MROH9: variants seen among roughly 807,000 people sequenced by gnomAD.
MROH9 encodes maestro heat like repeat family member 9.
A neutral mutation model predicts 98.2 loss-of-function variants in MROH9; 92 were observed. The ratio of observed to expected loss-of-function variants is 0.94; its 90% CI spans 0.79 to 1.11. The LOEUF is 1.11. MROH9 is among the 50% of genes most tolerant of loss of function. The pLI, the probability that MROH9 is intolerant of heterozygous loss-of-function variation, is 0.00. For synonymous variants in MROH9, 397 were observed against 368.9 expected, an observed-to-expected ratio of 1.08 and a Z score of -0.87; for missense variants, 1,057 against 1,014.8, an observed-to-expected ratio of 1.04 and a Z score of -0.57.
chr1:170,961,395 T>A (rs1650011678), intron 5 of MROH9, among the ~76,000 whole-genome samples: 1 of 152,218 alleles, frequency 6.6e-6, no homozygotes, highest in South Asian at 2.1e-4. Flanking sequence ...GCCAGGGCTA[T>A]GTTCTTTTTG....
At position 171,024,697 on chromosome 1, in the gene MROH9, A is replaced by T. The variant is rs1322396796; in HGVS notation, c.2110A>T (p.Thr704Ser). 5.8e-6 allele frequency: 9 copies of T among 1,551,266 alleles called. No homozygotes were observed. In the South Asian group the frequency reaches 1.1e-4, roughly 18 times the overall value. The change falls in exon 19 of 22, where the codon ACA becomes TCA. Residue 704 changes from threonine (T) to serine (S), a missense_variant. Thr to Ser is a moderately conservative substitution (Grantham distance 58, BLOSUM62 1). Coordinates refer to ENST00000367759, the MANE Select transcript of MROH9 (RefSeq NM_001163629.2). ...KICTSQLKWS[T>S]SRLLKDENYS... ...CTGTACCTCACAATTAAAGTGGTCA[A>T]CATCACGTTTGCTCAAAGATGAAAA...
intron 1 of MROH9, among the ~76,000 whole-genome samples, chr1:170,935,965 C>T (rs756290673): frequency 1.9e-4 from 24 of 126,592 alleles, no homozygotes; most frequent in Non-Finnish European, 3.6e-4. Flanking sequence ...GCACTCCAGC[C>T]TGGCAACAGA....
At chr1:171,007,869 G>C (rs183637744) in intron 15 of MROH9, among the ~76,000 whole-genome samples, 2 of 152,094 alleles carry the variant, frequency 1.3e-5, no homozygotes, top group African/African-American at 4.8e-5. Context: ...CAGAGAGACC[G>C]GGTCATTTCT....
chr1:170,998,519 CA>C, intron 15 of MROH9: 1 of 1,437,884 alleles, frequency 7.0e-7, no homozygotes. Context: ...TGAATTTGTA[CA>C]AAAACTAATT....
At chr1:170,966,907 G>A (rs960126385) in intron 7 of MROH9, among the ~76,000 whole-genome samples, 2 of 152,094 alleles carry the variant, frequency 1.3e-5, no homozygotes, top group South Asian at 2.1e-4. Flanking sequence ...CCTAAAATGT[G>A]TTATATATTC....
chr1:171,005,671 G>A (rs999682616), intron 15 of MROH9, among the ~76,000 whole-genome samples: 1 of 152,004 alleles, frequency 6.6e-6, no homozygotes, highest in African/African-American at 2.4e-5. Flanking sequence ...GGCATTTTAT[G>A]GAGTCATTAT....
intron 1 of MROH9, among the ~76,000 whole-genome samples, chr1:170,939,999 C>A (rs1430484022): frequency 6.6e-6 from 1 of 152,200 alleles, no homozygotes; most frequent in Admixed American, 6.5e-5. Flanking sequence ...GCAGACTGTA[C>A]AACAGCCTGG....
intron 1 of MROH9, among the ~76,000 whole-genome samples, chr1:170,936,509 A>T (rs150738119): frequency 2.6e-5 from 4 of 152,316 alleles, no homozygotes; most frequent in African/African-American, 9.6e-5. Context: ...TTTAAATGCT[A>T]ATCTCTTCTG....
intron 8 of MROH9, among the ~76,000 whole-genome samples, chr1:170,980,289 T>C (rs532649098): frequency 1.3e-5 from 2 of 152,314 alleles, no homozygotes; most frequent in African/African-American, 4.8e-5. Context: ...AAGACAGTCC[T>C]AAGCAAAAAG....
intron 1 of MROH9, among the ~76,000 whole-genome samples, chr1:170,937,744 C>G (rs61814152): frequency 6.6e-6 from 1 of 151,784 alleles, no homozygotes; most frequent in African/African-American, 2.4e-5. Context: ...GGGATGGTCT[C>G]GATCTCCTGA....
intron 20 of MROH9, among the ~76,000 whole-genome samples, chr1:171,049,001 G>T (rs912921858): frequency 6.6e-6 from 1 of 152,110 alleles, no homozygotes; most frequent in African/African-American, 2.4e-5. Flanking sequence ...ATCCTACTGT[G>T]GCTGAGCTGG....
rs116044967 is a variant in MROH9 at position 170,940,608 on chromosome 1, A to G, written c.-37-4912A>G. On this transcript the variant is annotated intron_variant, in intron 1 of 21. Coordinates refer to ENST00000367759, the MANE Select transcript of MROH9 (RefSeq NM_001163629.2). ...ATACCAGGTACCAGAGAATATGTCA[A>G]TTTGCTCAAGCAATGAAATCACACC... Among the ~76,000 whole-genome samples, 883 of 152,338 alleles carry G rather than the reference A, an allele frequency of 5.8e-3. 12 individuals are homozygous for G. The highest frequency in any genetic ancestry group is 0.02 in the African/African-American group (833 of 41,582).
chr1:170,956,175 G>A (rs1336077065), intron 3 of MROH9, among the ~76,000 whole-genome samples: 11 of 152,100 alleles, frequency 7.2e-5, no homozygotes, highest in Non-Finnish European at 1.5e-4. Flanking sequence ...ATTGGTCTAT[G>A]TGCCTATTTT....
Position 170,942,253 on chromosome 1 carries a change from G to A in MROH9, c.-37-3267G>A, listed in dbSNP as rs753544626. 2.5e-4 allele frequency among the ~76,000 whole-genome samples: 38 copies of A among 151,910 alleles called. No individual in the cohort carries two copies. The South Asian group carries it at 2.9e-3, about 12-fold the overall frequency. On this transcript the variant is annotated intron_variant, in intron 1 of 21. Coordinates refer to ENST00000367759, the MANE Select transcript of MROH9 (RefSeq NM_001163629.2). ...CCTTCTGCAATTTGAGTCTAGTTAC[G>A]GGTCTAGAAGCAAAGAAGAGTGGTG...
intron 20 of MROH9, among the ~76,000 whole-genome samples, chr1:171,038,485 T>C (rs1194524715): frequency 6.6e-6 from 1 of 152,180 alleles, no homozygotes; most frequent in Non-Finnish European, 1.5e-5. Flanking sequence ...TTTGACTCAG[T>C]AATCTCCTCT....
intron 8 of MROH9, among the ~76,000 whole-genome samples, chr1:170,976,606 G>A (rs1650702132): frequency 1.3e-5 from 2 of 152,108 alleles, no homozygotes; most frequent in African/African-American, 4.8e-5. Context: ...AATTAGCTGG[G>A]CATGGTGGTG....
intron 8 of MROH9, among the ~76,000 whole-genome samples, chr1:170,976,770 G>T (rs1650711335): frequency 6.6e-6 from 1 of 152,112 alleles, no homozygotes; most frequent in African/African-American, 2.4e-5. Flanking sequence ...GAATTTGACT[G>T]TTGACCTGTC....
At chr1:170,960,759 A>G (rs1649986908) in intron 5 of MROH9, among the ~76,000 whole-genome samples, 1 of 152,126 alleles carries the variant, frequency 6.6e-6, no homozygotes, top group Non-Finnish European at 1.5e-5. Context: ...AGTAGCTAGG[A>G]CTACAGACAT....
chr1:171,064,447 G>A lies in MROH9; in HGVS notation c.*107G>A. 5.1e-6 allele frequency: 6 copies of A among 1,179,806 alleles called. No homozygotes were observed. The highest frequency in any genetic ancestry group is 5.7e-6 in the Non-Finnish European group (5 of 871,722). 73.1% of individuals were successfully genotyped at this position (1,179,806 alleles called of 1,614,324 possible). On this transcript the variant is annotated 3_prime_UTR_variant, in exon 22 of 22. Coordinates refer to ENST00000367759, the MANE Select transcript of MROH9 (RefSeq NM_001163629.2). The stretch of plus-strand genomic sequence containing the variant: ...ATTTTTCTTTCCCTCCTGACAACTT[G>A]AGTCTGTTTGTAGATGCTTTTCTGA...
Sources: allele counts gnomAD v4.1 joint callset (sites outside exome capture counted in the v4.1 genomes callset), GRCh38; gene constraint gnomAD v4.1.1; transcripts MANE v1.5; gene names NCBI Gene and HGNC (gene_info 2026-07-23, HGNC 2026-07-21).